Variants in RNF144A observed in about 807,000 individuals in gnomAD.
RNF144A encodes the protein E3 ubiquitin-protein ligase RNF144A.
In RNF144A, 11 loss-of-function variants were observed where a neutral mutation model predicts 38.7. The ratio of observed to expected loss-of-function variants is 0.28; its 90% CI spans 0.18 to 0.47. The LOEUF is 0.47. Among genes scored for constraint, RNF144A ranks in the 20% least tolerant of loss-of-function variants. RNF144A has a pLI of 0.99. For missense variants in RNF144A, 316 were observed against 377.2 expected (o/e 0.84, Z 1.34); for synonymous variants, 149 against 143.9 (o/e 1.04, Z -0.25).
At chr2:7,069,967 A>G (rs1272398501), downstream of RNF144A, among the ~76,000 whole-genome samples, 3 of 152,354 alleles carry the variant, frequency 2.0e-5, no homozygotes, top group East Asian at 5.8e-4. Flanking sequence ...CGTGCATGGA[A>G]GTGCTAACAC....
chr2:6,944,222 G>T lies in RNF144A; in HGVS notation c.-12+3075G>T, dbSNP rs1217971940. ...GGCACTATGGGCCTGGGGTGATGGA[G>T]AAAGGACCTGCAGTGGCACAGGCAG... On this transcript the variant is annotated intron_variant, in intron 2 of 8. Coordinates refer to ENST00000320892, the MANE Select transcript of RNF144A (RefSeq NM_014746.6). The surrounding 1 kb of genome is among the most constrained non-coding windows in gnomAD (Gnocchi z 4.7). Among the ~76,000 whole-genome samples the T allele has an allele frequency of 6.6e-5, 10 of 152,134 alleles. No homozygotes were observed. Among genetic ancestry groups the T allele is most frequent in the Non-Finnish European group, 1.5e-4 (10 of 68,036 alleles).
chr2:6,936,687 A>G (rs990097138), intron 1 of RNF144A, among the ~76,000 whole-genome samples: 1 of 152,214 alleles, frequency 6.6e-6, no homozygotes, highest in African/African-American at 2.4e-5. Context: ...ATTCTGAACC[A>G]TTGAGTCTTT....
Position 7,043,842 on chromosome 2 carries a change from G to C in RNF144A, c.*4082G>C. ...TTTCCTTCTTTGCTCACTTTACTAT[G>C]GGTGTATTTTAATCTTGTATAAAAA... On this transcript the variant is annotated 3_prime_UTR_variant, in exon 9 of 9. Transcript: ENST00000320892. The C allele has an allele frequency of 2.0e-6, 2 of 985,698 alleles. No individual in the cohort carries two copies. Among genetic ancestry groups the C allele is most frequent in the Non-Finnish European group, 2.4e-6 (2 of 829,874 alleles). The allele number at this position is 985,698 out of a possible 1,614,324, so 61.1% of individuals were successfully genotyped here. A position where few individuals can be genotyped will look rare whatever the true frequency, so the allele number is the denominator to read the frequency against.
intron 3 of RNF144A, among the ~76,000 whole-genome samples, chr2:7,005,459 T>G (rs1447317739): frequency 6.6e-6 from 1 of 152,210 alleles, no homozygotes; most frequent in Non-Finnish European, 1.5e-5. Context: ...GGGAGAAGGC[T>G]GACTTGGAGG....
rs544143015 is a variant in RNF144A at position 7,039,993 on chromosome 2, A to G, written c.*233A>G. On this transcript the variant is annotated 3_prime_UTR_variant, in exon 9 of 9. Transcript: ENST00000320892. Reference sequence around the variant, plus strand: ...GGGTAGCGCACATCCCCACAGATCAATCTCTGCAGATGACAGGGAGGTGCT... The same window carrying G: ...GGGTAGCGCACATCCCCACAGATCAGTCTCTGCAGATGACAGGGAGGTGCT... 13 of 1,296,338 alleles carry G rather than the reference A, an allele frequency of 1.0e-5. No homozygotes were observed. The Admixed American group carries it at 3.7e-4, about 37-fold the overall frequency. The allele number at this position is 1,296,338 out of a possible 1,614,324, so 80.3% of individuals were successfully genotyped here.
chr2:6,963,889 G>C (rs1302169699), intron 2 of RNF144A, among the ~76,000 whole-genome samples: 1 of 152,116 alleles, frequency 6.6e-6, no homozygotes, highest in East Asian at 1.9e-4. Flanking sequence ...TTGCATTTGA[G>C]AGCCATCCTT....
At chr2:7,021,579 G>A (rs1192442873) in intron 6 of RNF144A, among the ~76,000 whole-genome samples, 1 of 152,190 alleles carries the variant, frequency 6.6e-6, no homozygotes, top group Non-Finnish European at 1.5e-5. Flanking sequence ...ACTTCAGGTG[G>A]GGATCACATC....
chr2:7,002,143 A>C (rs1373394801), intron 3 of RNF144A, among the ~76,000 whole-genome samples: 5 of 152,188 alleles, frequency 3.3e-5, no homozygotes, highest in Non-Finnish European at 7.3e-5. Context: ...CCTAGAAATT[A>C]AGCTGATTTG....
chr2:7,015,201 C>CA (rs1671058491), intron 5 of RNF144A, among the ~76,000 whole-genome samples: 1 of 152,194 alleles, frequency 6.6e-6, no homozygotes, highest in East Asian at 1.9e-4. Context: ...GTCCTAACAA[C>CA]AGTCCGATGG....
At chr2:7,030,543 A>T (rs1025460693) in intron 8 of RNF144A, among the ~76,000 whole-genome samples, 1 of 152,022 alleles carries the variant, frequency 6.6e-6, no homozygotes, top group Non-Finnish European at 1.5e-5. Flanking sequence ...GACCGTGTTT[A>T]GGTAATCCTT....
chr2:6,921,719 G>C (rs534135026), intron 1 of RNF144A, among the ~76,000 whole-genome samples: 1 of 152,324 alleles, frequency 6.6e-6, no homozygotes, highest in Non-Finnish European at 1.5e-5. Context: ...AGAGAGCAGT[G>C]GGACCCACAG....
intron 1 of RNF144A, among the ~76,000 whole-genome samples, chr2:6,923,601 C>T (rs1398037796): frequency 1.3e-5 from 2 of 152,156 alleles, no homozygotes; most frequent in African/African-American, 2.4e-5. Flanking sequence ...GTAAAATTGC[C>T]AATGTGGGTG....
At chr2:6,980,931 C>T (rs1668590031) in intron 2 of RNF144A, among the ~76,000 whole-genome samples, 1 of 152,236 alleles carries the variant, frequency 6.6e-6, no homozygotes. Context: ...GCCTTATGCG[C>T]ACCCACAGGC....
chr2:7,056,228 C>T (rs1673732835), intron 6 of RNF144A, among the ~76,000 whole-genome samples: 1 of 152,300 alleles, frequency 6.6e-6, no homozygotes, highest in Non-Finnish European at 1.5e-5. Flanking sequence ...TTCTGACATG[C>T]TCACTGTTGG....
intron 8 of RNF144A, among the ~76,000 whole-genome samples, chr2:7,034,537 G>A (rs1474372986): frequency 1.3e-5 from 2 of 152,184 alleles, no homozygotes; most frequent in African/African-American, 4.8e-5. Flanking sequence ...CTTCCTCCGG[G>A]CTGCTACGGC....
At chr2:7,067,929 C>A (rs309264) in intron 6 of RNF144A, among the ~76,000 whole-genome samples, 89,672 of 152,006 alleles carry the variant, frequency 0.59, 26,916 homozygotes, top group South Asian at 0.89. Context: ...GTCTGATCAC[C>A]TGGCCTGTTT....
chr2:7,051,802 T>G (rs1254692129), intron 6 of RNF144A, among the ~76,000 whole-genome samples: 1 of 152,140 alleles, frequency 6.6e-6, no homozygotes, highest in East Asian at 1.9e-4. Context: ...GGCAGGAGAA[T>G]CGCTTGAATC....
At chr2:6,986,893 C>G (rs1668997398) in intron 2 of RNF144A, among the ~76,000 whole-genome samples, 1 of 152,028 alleles carries the variant, frequency 6.6e-6, no homozygotes, top group South Asian at 2.1e-4. Context: ...ATCCAAACAT[C>G]CCCCCTTCAA....
the RNF144A span, among the ~76,000 whole-genome samples, chr2:7,075,062 G>A: frequency 6.6e-6 from 1 of 152,096 alleles, no homozygotes; most frequent in African/African-American, 2.4e-5. Flanking sequence ...TTATACCCAT[G>A]GATTCTACAG....
Sources: gnomAD v4.1 joint callset for allele counts (sites outside exome capture counted in the v4.1 genomes callset) on GRCh38, gnomAD v4.1.1 for gene constraint, Gnocchi (gnomAD v3.1) non-coding constraint, MANE v1.5 for transcripts, NCBI Gene and HGNC (gene_info 2026-07-23, HGNC 2026-07-21) for gene names.